The following ANKRD31 variants were observed in gnomAD, a reference collection of about 807,000 sequenced individuals.
The protein encoded by ANKRD31 is ankyrin repeat domain-containing protein 31.
In ANKRD31, 147 loss-of-function variants were observed where a neutral mutation model predicts 186.0. The ratio of observed to expected loss-of-function variants is 0.79; its 90% CI spans 0.69 to 0.91. ANKRD31 has a LOEUF of 0.91. ANKRD31 is among the 40% of genes least tolerant of loss of function. ANKRD31 has a pLI of 0.00. For synonymous variants in ANKRD31, 673 were observed against 736.4 expected (o/e 0.91, Z 1.39); for missense variants, 1,986 against 2,148.8 (o/e 0.92, Z 1.50).
intron 1 of ANKRD31, among the ~76,000 whole-genome samples, chr5:75,231,248 A>ATT (rs534940246): frequency 1.4e-5 from 2 of 144,440 alleles, no homozygotes; most frequent in South Asian, 2.2e-4. Context: ...TTTTTAATTA[A>ATT]TTTTTTTTTT....
chr5:75,139,085 CA>C (rs1379056397), intron 15 of ANKRD31, 102 bp from the exon 16 acceptor site: 6 of 1,246,746 alleles, frequency 4.8e-6, no homozygotes, highest in Non-Finnish European at 6.5e-6. Flanking sequence ...CCACACTACA[CA>C]GAAACATATA....
chr5:75,109,512 T>A (rs1162776876), intron 20 of ANKRD31, among the ~76,000 whole-genome samples: 1 of 152,086 alleles, frequency 6.6e-6, no homozygotes, highest in Non-Finnish European at 1.5e-5. Context: ...GGGTAAAGGG[T>A]CTTCTCTTCT....
intron 17 of ANKRD31, among the ~76,000 whole-genome samples, chr5:75,136,719 G>A (rs994493101): frequency 4.6e-5 from 7 of 152,318 alleles, no homozygotes; most frequent in Admixed American, 3.3e-4. Flanking sequence ...GCACATGTAC[G>A]TTTATTGTGG....
At chr5:75,105,661 T>C (rs1184122802) in intron 21 of ANKRD31, among the ~76,000 whole-genome samples, 1 of 152,176 alleles carries the variant, frequency 6.6e-6, no homozygotes, top group Non-Finnish European at 1.5e-5. Context: ...GTAAGTACAA[T>C]TTGAAAGTTC....
chr5:75,107,526 T>A lies in ANKRD31; in HGVS notation c.4335A>T (p.Lys1445Asn). 2 of 1,521,322 alleles carry A rather than the reference T, an allele frequency of 1.3e-6. No individual in the cohort carries two copies. The highest frequency in any genetic ancestry group is 2.5e-5 in the East Asian group (1 of 40,708). 94.2% of individuals were successfully genotyped at this position (1,521,322 alleles called of 1,614,324 possible). The change falls in exon 21 of 26, where the codon AAA becomes AAT. Residue 1445 changes from lysine (K) to asparagine (N), a missense_variant. Coordinates refer to ENST00000506364, the MANE Select transcript of ANKRD31 (RefSeq NM_001372053.1). ...TTTTTTCTTTTTCTACTCACCTGTA[T>A]TTTTTAGCCAGATCATCCCTTTCTG... ...QKAERDDLAK[K>N]YRVSIESFKH... is the part of the protein sequence containing the mutation.
At chr5:75,076,044 A>C (rs1744615204) in intron 25 of ANKRD31, among the ~76,000 whole-genome samples, 1 of 110,832 alleles carries the variant, frequency 9.0e-6, no homozygotes, top group African/African-American at 6.3e-5. Flanking sequence ...AACATTGCTT[A>C]CTCTGAATAT....
At chr5:75,156,495 C>A (rs1304284718) in intron 11 of ANKRD31, among the ~76,000 whole-genome samples, 1 of 152,224 alleles carries the variant, frequency 6.6e-6, no homozygotes, top group Non-Finnish European at 1.5e-5. Flanking sequence ...CCCCCTCATC[C>A]ACCCTCACCA....
intron 17 of ANKRD31, among the ~76,000 whole-genome samples, chr5:75,132,929 G>A (rs1025272085): frequency 5.3e-5 from 8 of 152,072 alleles, no homozygotes; most frequent in Non-Finnish European, 1.2e-4. Context: ...CTAAGTAAAG[G>A]AGAAATAAAA....
At chr5:75,170,113 C>T in intron 10 of ANKRD31, among the ~76,000 whole-genome samples, 1 of 151,964 alleles carries the variant, frequency 6.6e-6, no homozygotes, top group Non-Finnish European at 1.5e-5. Flanking sequence ...ATGAATATGG[C>T]TTGTTTAAAG....
intron 17 of ANKRD31, among the ~76,000 whole-genome samples, chr5:75,119,794 G>A (rs1748602282): frequency 6.6e-6 from 1 of 152,098 alleles, no homozygotes; most frequent in Admixed American, 6.6e-5. Context: ...ATTCTGACTG[G>A]TGCGAGATGA....
At chr5:75,074,474 A>T (rs897856801) in intron 25 of ANKRD31, among the ~76,000 whole-genome samples, 6 of 152,166 alleles carry the variant, frequency 3.9e-5, no homozygotes, top group African/African-American at 7.2e-5. Flanking sequence ...CCAACTTCAA[A>T]TTTTCTTTGT....
Position 75,137,853 on chromosome 5 carries a change from T to A in ANKRD31, c.3876+3A>T. On this transcript the variant is annotated splice_donor_region_variant and intron_variant, in intron 17 of 25. Coordinates refer to ENST00000506364, the MANE Select transcript of ANKRD31 (RefSeq NM_001372053.1). ...TAAGATCTTAATGTGATGTGCACTG[T>A]ACCTTTAAATGATTGTTTGCAACAG... is the stretch of plus-strand genomic sequence containing the variant. 1 of 1,520,828 alleles carries A rather than the reference T, an allele frequency of 6.6e-7. No individual in the cohort carries two copies. The highest frequency in any genetic ancestry group is 8.8e-7 in the Non-Finnish European group (1 of 1,140,698). The allele number at this position is 1,520,828 out of a possible 1,614,324, so 94.2% of individuals were successfully genotyped here.
rs1755266684 is a variant in ANKRD31 at position 75,193,607 on chromosome 5, T to C, written c.1018-16A>G. On this transcript the variant is annotated splice_polypyrimidine_tract_variant and intron_variant, in intron 7 of 25. Transcript: ENST00000506364. ...CTTGCAGAGTCTGCAAATACGTAAA[T>C]ACATCCACAAAAAATTACAACACTG... The C allele has an allele frequency of 1.3e-6, 2 of 1,509,414 alleles. No homozygotes were observed. Among genetic ancestry groups the C allele is most frequent in the African/African-American group, 1.4e-5 (1 of 71,778 alleles). 93.5% of individuals were successfully genotyped at this position (1,509,414 alleles called of 1,614,324 possible). A position where few individuals can be genotyped will look rare whatever the true frequency, so the allele number is the denominator to read the frequency against.
chr5:75,222,845 G>T (rs1462366164), intron 2 of ANKRD31, among the ~76,000 whole-genome samples: 1 of 152,132 alleles, frequency 6.6e-6, no homozygotes, highest in Non-Finnish European at 1.5e-5. Flanking sequence ...TTTATCCATT[G>T]ATAGGCATTT....
At chr5:75,200,560 A>G (rs148221579) in intron 5 of ANKRD31, among the ~76,000 whole-genome samples, 23,411 of 150,786 alleles carry the variant, frequency 0.16, 2,055 homozygotes, top group African/African-American at 0.23. Context: ...GGCCTCCCAA[A>G]GTGCTAGGAT....
chr5:75,145,247 C>T (rs1751350394), intron 14 of ANKRD31, among the ~76,000 whole-genome samples: 2 of 151,996 alleles, frequency 1.3e-5, no homozygotes, highest in Non-Finnish European at 2.9e-5. Context: ...GGTATATACC[C>T]AAAGGCTTAT....
At chr5:75,134,425 A>G (rs1355703775) in intron 17 of ANKRD31, among the ~76,000 whole-genome samples, 1 of 152,228 alleles carries the variant, frequency 6.6e-6, no homozygotes, top group East Asian at 1.9e-4. Context: ...AGAAATGGAT[A>G]AATTCCTCGA....
chr5:75,118,185 T>C lies in ANKRD31; in HGVS notation c.3989A>G (p.Tyr1330Cys), dbSNP rs1203681104. 3.3e-6 allele frequency: 5 copies of C among 1,526,598 alleles called. No individual in the cohort carries two copies. Among genetic ancestry groups the C allele is most frequent in the African/African-American group, 2.8e-5 (2 of 72,566 alleles). 94.6% of individuals were successfully genotyped at this position (1,526,598 alleles called of 1,614,324 possible). ...TCTATTAACAGTCTCAATAGCACCA[T>C]AAGATCTTAGTAATTCTTTCATTTT... ...DEKMKELLRS[Y>C]GAIETVNRDE... Residue 1330 changes from tyrosine to cysteine, a missense_variant, in exon 18 of 26, where the codon TAT (tyrosine) becomes TGT (cysteine). Transcript: ENST00000506364.
At chr5:75,133,494 G>A (rs537869028) in intron 17 of ANKRD31, among the ~76,000 whole-genome samples, 2 of 152,284 alleles carry the variant, frequency 1.3e-5, no homozygotes, top group East Asian at 1.9e-4. Flanking sequence ...ACCCAATACA[G>A]GAGCACCCAG....
Sources: allele counts gnomAD v4.1 joint callset (sites outside exome capture counted in the v4.1 genomes callset), GRCh38; gene constraint gnomAD v4.1.1; transcripts MANE v1.5; gene names NCBI Gene and HGNC (gene_info 2026-07-23, HGNC 2026-07-21).